Variants in TENM2 observed in about 807,000 individuals in gnomAD.
The protein encoded by TENM2 is teneurin transmembrane protein 2, also known as teneurin-2.
TENM2 carries 52 observed loss-of-function variants against 245.2 expected under a neutral mutation model. The ratio of observed to expected loss-of-function variants is 0.21; its 90% CI spans 0.17 to 0.27. The LOEUF (loss-of-function observed/expected upper bound fraction) is 0.27, where lower values mean the gene tolerates loss of function less well. Among genes scored for constraint, TENM2 ranks in the 10% least tolerant of loss-of-function variants. The probability of loss-of-function intolerance (pLI) is 1.00; values close to 1 mark genes in which losing one functional copy is unlikely to be tolerated. For missense variants in TENM2, 3,046 were observed against 3,666.8 expected, an observed-to-expected ratio of 0.83 and a Z score of 4.37; for synonymous variants, 1,363 against 1,438.9, an observed-to-expected ratio of 0.95 and a Z score of 1.19.
intron 3 of TENM2, among the ~76,000 whole-genome samples, chr5:167,901,451 A>G (rs1253041455): frequency 6.6e-6 from 1 of 152,250 alleles, no homozygotes; most frequent in Non-Finnish European, 1.5e-5. Context: ...ATACAGCACC[A>G]TGAACCAGCA....
chr5:167,632,302 C>A (rs558283769), intron 2 of TENM2, among the ~76,000 whole-genome samples: 11 of 152,256 alleles, frequency 7.2e-5, no homozygotes, highest in Admixed American at 2.0e-4. Context: ...CCAAATATAT[C>A]AGGTTACCCC....
chr5:167,556,451 A>G (rs1278939150), intron 2 of TENM2, among the ~76,000 whole-genome samples: 1 of 147,972 alleles, frequency 6.8e-6, no homozygotes, highest in Non-Finnish European at 1.5e-5. Context: ...TATCTGTCAC[A>G]TCAAAATTCA....
rs190862276 is a variant in TENM2 at position 168,022,859 on chromosome 5, G to A, written c.1187-24568G>A. 4.5e-4 allele frequency among the ~76,000 whole-genome samples: 68 copies of A among 152,230 alleles called. 1 individual carries two copies. The highest frequency in any genetic ancestry group is 6.2e-4 in the South Asian group (3 of 4,816). On this transcript the variant is annotated intron_variant, in intron 5 of 28. Coordinates refer to ENST00000518659, the Ensembl canonical transcript of TENM2. ...TGAGATTGGGGACTCAGGGGCAGCCGTGTCTCTCACGCCTGCCCATTCTGC... is the reference window on the plus strand; with the variant it reads ...TGAGATTGGGGACTCAGGGGCAGCCATGTCTCTCACGCCTGCCCATTCTGC...
At chr5:167,336,477 GAAGA>G (rs1757762491) in intron 1 of TENM2, among the ~76,000 whole-genome samples, 1 of 151,648 alleles carries the variant, frequency 6.6e-6, no homozygotes. Context: ...GGCTGAATGT[GAAGA>G]AAGTTGAAGA....
At chr5:167,280,824 CT>C (rs1290481713), upstream of TENM2, among the ~76,000 whole-genome samples, 2 of 151,042 alleles carry the variant, frequency 1.3e-5, no homozygotes, top group Admixed American at 1.3e-4. Flanking sequence ...TATCTAATTT[CT>C]TTTTGCCATA....
intron 2 of TENM2, among the ~76,000 whole-genome samples, chr5:167,780,161 TCTTA>T (rs1408065194): frequency 6.6e-6 from 1 of 152,222 alleles, no homozygotes; most frequent in Non-Finnish European, 1.5e-5. Flanking sequence ...TATCAGCTCT[TCTTA>T]CTTTGTCAAG....
chr5:168,084,216 C>G (rs930165331), intron 7 of TENM2, among the ~76,000 whole-genome samples: 1 of 152,198 alleles, frequency 6.6e-6, no homozygotes, highest in African/African-American at 2.4e-5. Context: ...CTGCAATGAA[C>G]ATATGAGTGC....
chr5:167,988,117 G>A (rs1025669662), intron 4 of TENM2, among the ~76,000 whole-genome samples: 4 of 152,156 alleles, frequency 2.6e-5, no homozygotes, highest in Non-Finnish European at 5.9e-5. Flanking sequence ...CCTTGCATGT[G>A]TAAATATAGA....
the TENM2 span, among the ~76,000 whole-genome samples, chr5:167,064,671 T>C: frequency 6.6e-6 from 1 of 152,226 alleles, no homozygotes; most frequent in African/African-American, 2.4e-5. Flanking sequence ...TTAATAGGAT[T>C]AACCATCGAG....
At chr5:168,171,912 A>G (rs551762549) in intron 13 of TENM2, among the ~76,000 whole-genome samples, 1 of 152,320 alleles carries the variant, frequency 6.6e-6, no homozygotes, top group African/African-American at 2.4e-5. Flanking sequence ...CTTGCCCTAG[A>G]TGGTGGCAGG....
chr5:167,566,808 A>T (rs1246188945), intron 2 of TENM2, among the ~76,000 whole-genome samples: 1 of 152,152 alleles, frequency 6.6e-6, no homozygotes, highest in Non-Finnish European at 1.5e-5. Context: ...TGGGAAGCAG[A>T]GATTTAAGGT....
intron 13 of TENM2, among the ~76,000 whole-genome samples, chr5:168,166,956 T>A (rs1758357678): frequency 1.3e-5 from 2 of 152,090 alleles, no homozygotes; most frequent in South Asian, 4.2e-4. Context: ...GCCACTCATG[T>A]AACCTCAGGA....
intron 9 of TENM2, among the ~76,000 whole-genome samples, chr5:168,105,475 A>G (rs1794168013): frequency 6.6e-6 from 1 of 152,182 alleles, no homozygotes; most frequent in South Asian, 2.1e-4. Flanking sequence ...ACACAGGTGC[A>G]CCTGGTCTCC....
chr5:167,238,833 T>TTCTTG, the TENM2 span, among the ~76,000 whole-genome samples: 1 of 152,192 alleles, frequency 6.6e-6, no homozygotes, highest in East Asian at 1.9e-4. Flanking sequence ...GGAAGAGATG[T>TTCTTG]TCTTGATCAT....
chr5:168,080,078 T>G (rs1198265902), intron 7 of TENM2, among the ~76,000 whole-genome samples: 1 of 152,224 alleles, frequency 6.6e-6, no homozygotes, highest in African/African-American at 2.4e-5. Context: ...TTTTGGTTGG[T>G]AAGCTATTAA....
intron 5 of TENM2, among the ~76,000 whole-genome samples, chr5:168,008,685 G>A (rs948519103): frequency 2.0e-5 from 3 of 152,160 alleles, no homozygotes; most frequent in Non-Finnish European, 4.4e-5. Flanking sequence ...AATTTGTCTT[G>A]TGTCGACTAT....
intron 2 of TENM2, among the ~76,000 whole-genome samples, chr5:167,462,788 A>G (rs1008752373): frequency 2.0e-5 from 3 of 151,962 alleles, no homozygotes; most frequent in Non-Finnish European, 4.4e-5. Flanking sequence ...GTAGAGGGCC[A>G]AAAGGCAACA....
chr5:167,425,467 G>C (rs1763756861), intron 2 of TENM2, among the ~76,000 whole-genome samples: 1 of 152,096 alleles, frequency 6.6e-6, no homozygotes, highest in Admixed American at 6.6e-5. Flanking sequence ...CTATGTGCCA[G>C]GTACTATCCA....
chr5:167,598,018 T>C (rs1221974030), intron 2 of TENM2, among the ~76,000 whole-genome samples: 1 of 152,164 alleles, frequency 6.6e-6, no homozygotes. Context: ...TTCCATGAGT[T>C]TAGCTGCATT....
Sources: gnomAD v4.1 joint callset for allele counts (sites outside exome capture counted in the v4.1 genomes callset) on GRCh38, gnomAD v4.1.1 for gene constraint, MANE v1.5 for transcripts, NCBI Gene and HGNC (gene_info 2026-07-23, HGNC 2026-07-21) for gene names.